Variants in NR3C2 observed in about 807,000 individuals in gnomAD.
NR3C2 encodes the protein nuclear receptor subfamily 3 group C member 2.
Under a neutral mutation model 86.4 loss-of-function variants are expected in NR3C2, and 15 were observed. The ratio of observed to expected loss-of-function variants is 0.17; its 90% CI spans 0.12 to 0.27. The LOEUF is 0.27. NR3C2 is among the 10% of genes least tolerant of loss of function. The probability of loss-of-function intolerance (pLI) is 1.00; values close to 1 mark genes in which losing one functional copy is unlikely to be tolerated. For synonymous variants in NR3C2, 458 were observed against 450.5 expected, an observed-to-expected ratio of 1.02 and a Z score of -0.21; for missense variants, 960 against 1,195.6, an observed-to-expected ratio of 0.80 and a Z score of 2.91.
chr4:148,303,614 G>A (rs536677047), intron 2 of NR3C2, among the ~76,000 whole-genome samples: 2 of 152,140 alleles, frequency 1.3e-5, no homozygotes, highest in South Asian at 2.1e-4. Context: ...ACAACCCCCC[G>A]AGATGCATTT....
intron 2 of NR3C2, among the ~76,000 whole-genome samples, chr4:148,427,322 A>G (rs1352858548): frequency 2.0e-5 from 3 of 151,964 alleles, no homozygotes; most frequent in African/African-American, 7.3e-5. Flanking sequence ...TTTTCCACAT[A>G]CTTTACTATT....
intron 1 of NR3C2, among the ~76,000 whole-genome samples, chr4:148,438,377 AACTC>A (rs756801872): frequency 1.3e-5 from 2 of 152,230 alleles, no homozygotes; most frequent in Admixed American, 6.5e-5. Flanking sequence ...AAAGGAAATT[AACTC>A]ACTCACAGTA....
chr4:148,343,393 A>C (rs970119150), intron 2 of NR3C2, among the ~76,000 whole-genome samples: 1 of 152,000 alleles, frequency 6.6e-6, no homozygotes, highest in Non-Finnish European at 1.5e-5. Flanking sequence ...CAGCAGCGGG[A>C]TATCCGCCCC....
At chr4:148,132,106 G>T (rs1560937668) in intron 6 of NR3C2, among the ~76,000 whole-genome samples, 2 of 152,122 alleles carry the variant, frequency 1.3e-5, no homozygotes, top group Non-Finnish European at 2.9e-5. Flanking sequence ...AGGGTACAAG[G>T]ATATATGTCT....
At chr4:148,164,295 T>G (rs2149778095) in intron 4 of NR3C2, among the ~76,000 whole-genome samples, 1 of 152,336 alleles carries the variant, frequency 6.6e-6, no homozygotes, top group East Asian at 1.9e-4. Flanking sequence ...CTAGTCAGTC[T>G]GTATAAAAAA....
At chr4:148,241,508 TG>T (rs1197464720) in intron 3 of NR3C2, among the ~76,000 whole-genome samples, 1 of 151,968 alleles carries the variant, frequency 6.6e-6, no homozygotes, top group African/African-American at 2.4e-5. Context: ...CCAGGGCCTT[TG>T]CACCGTGCCA....
chr4:148,326,315 G>A (rs1743968176), intron 2 of NR3C2, among the ~76,000 whole-genome samples: 1 of 151,918 alleles, frequency 6.6e-6, no homozygotes, highest in South Asian at 2.1e-4. Context: ...GCAGGATAAT[G>A]TCATGAACCC....
intron 6 of NR3C2, among the ~76,000 whole-genome samples, chr4:148,130,498 C>A (rs1319446289): frequency 1.1e-4 from 17 of 152,118 alleles, no homozygotes; most frequent in Admixed American, 1.1e-3. Flanking sequence ...TTCACATTAG[C>A]CCCTGGATTA....
intron 2 of NR3C2, among the ~76,000 whole-genome samples, chr4:148,288,570 C>G (rs1042430288): frequency 2.0e-5 from 3 of 152,216 alleles, no homozygotes; most frequent in African/African-American, 7.2e-5. Context: ...GGGCGCCAGC[C>G]AATTGCTCTG....
chr4:148,183,068 G>A (rs989965735), intron 4 of NR3C2, among the ~76,000 whole-genome samples: 1 of 152,058 alleles, frequency 6.6e-6, no homozygotes, highest in African/African-American at 2.4e-5. Flanking sequence ...GAGAACATGT[G>A]GTGTTTGGTT....
chr4:148,221,903 A>AG (rs1241352161), intron 3 of NR3C2, among the ~76,000 whole-genome samples: 1 of 151,418 alleles, frequency 6.6e-6, no homozygotes, highest in African/African-American at 2.4e-5. Context: ...TAAAAAAAAA[A>AG]AAAAAAAAAG....
intron 3 of NR3C2, among the ~76,000 whole-genome samples, chr4:148,218,435 C>T (rs1170957700): frequency 6.6e-6 from 1 of 152,168 alleles, no homozygotes; most frequent in Non-Finnish European, 1.5e-5. Context: ...TATTATCTTA[C>T]TGGCAACAAG....
chr4:148,281,328 T>C (rs1741227777), intron 2 of NR3C2, among the ~76,000 whole-genome samples: 1 of 152,248 alleles, frequency 6.6e-6, no homozygotes, highest in African/African-American at 2.4e-5. Flanking sequence ...GTTACTTACA[T>C]GTAACTGAAA....
At chr4:148,227,097 A>T (rs1232968055) in intron 3 of NR3C2, among the ~76,000 whole-genome samples, 1 of 152,012 alleles carries the variant, frequency 6.6e-6, no homozygotes, top group Non-Finnish European at 1.5e-5. Context: ...TAACAAATCC[A>T]CTTTTCTTAT....
chr4:148,310,460 G>A (rs181892769), intron 2 of NR3C2, among the ~76,000 whole-genome samples: 13 of 152,276 alleles, frequency 8.5e-5, no homozygotes, highest in Admixed American at 8.5e-4. Flanking sequence ...GCTGTCACAT[G>A]GACCTACAGA....
intron 2 of NR3C2, among the ~76,000 whole-genome samples, chr4:148,261,410 T>C (rs989460023): frequency 4.6e-5 from 7 of 151,768 alleles, no homozygotes; most frequent in Non-Finnish European, 8.8e-5. Context: ...GTCAGTGCTA[T>C]GGTGCGCTAT....
At chr4:148,099,974 A>C (rs1731462526) in intron 8 of NR3C2, among the ~76,000 whole-genome samples, 1 of 152,224 alleles carries the variant, frequency 6.6e-6, no homozygotes, top group Admixed American at 6.5e-5. Context: ...ATTTCCTCCC[A>C]TAATGAGGCA....
At chr4:148,205,813 T>A (rs1165853491) in intron 3 of NR3C2, among the ~76,000 whole-genome samples, 1 of 152,158 alleles carries the variant, frequency 6.6e-6, no homozygotes, top group African/African-American at 2.4e-5. Context: ...TAGATTTGCA[T>A]CTTGAGGACT....
intron 2 of NR3C2, among the ~76,000 whole-genome samples, chr4:148,272,997 C>T (rs1293904273): frequency 6.6e-6 from 1 of 152,180 alleles, no homozygotes; most frequent in African/African-American, 2.4e-5. Context: ...TTTGATCAGT[C>T]TTGCTTCAAA....
Sources: gnomAD v4.1 joint callset for allele counts (sites outside exome capture counted in the v4.1 genomes callset) on GRCh38, gnomAD v4.1.1 for gene constraint, MANE v1.5 for transcripts, NCBI Gene and HGNC (gene_info 2026-07-23, HGNC 2026-07-21) for gene names.